The following STAU2 variants were observed in gnomAD, a reference collection of about 807,000 sequenced individuals.
The protein encoded by STAU2 is double-stranded RNA-binding protein Staufen homolog 2.
In STAU2, 20 loss-of-function variants were observed where a neutral mutation model predicts 65.9. That is an observed-to-expected ratio of 0.30 (90% confidence interval 0.21 to 0.44). STAU2 has a LOEUF of 0.44. Ranked by LOEUF, STAU2 falls within the 20% of genes least tolerant of loss-of-function variation. The pLI is 1.00. For synonymous variants in STAU2, 232 were observed against 233.9 expected (o/e 0.99, Z 0.07); for missense variants, 558 against 683.9 (o/e 0.82, Z 2.05).
At chr8:73,470,215 T>C (rs1819912941) in intron 13 of STAU2, among the ~76,000 whole-genome samples, 1 of 152,218 alleles carries the variant, frequency 6.6e-6, no homozygotes, top group Non-Finnish European at 1.5e-5. Flanking sequence ...TCTAGGCAGA[T>C]GTGTCTTCAT....
At chr8:73,507,731 A>C (rs1180104928) in intron 13 of STAU2, among the ~76,000 whole-genome samples, 1 of 152,204 alleles carries the variant, frequency 6.6e-6, no homozygotes, top group Non-Finnish European at 1.5e-5. Context: ...ATCTTCTTCC[A>C]ATAGAAGGCT....
intron 12 of STAU2, among the ~76,000 whole-genome samples, chr8:73,576,132 A>G (rs1269505122): frequency 6.6e-6 from 1 of 152,142 alleles, no homozygotes; most frequent in African/African-American, 2.4e-5. Flanking sequence ...GAACTTACAC[A>G]TATTATATTC....
In STAU2 at chr8:73,595,255, T is replaced by C. The variant is rs1455091860; in HGVS notation, c.1072A>G (p.Lys358Glu). The C allele has an allele frequency of 6.2e-7, 1 of 1,612,214 alleles. No individual in the cohort carries two copies. Among genetic ancestry groups the C allele is most frequent in the African/African-American group, 1.3e-5 (1 of 74,902 alleles). The change falls in exon 11 of 15, where the codon AAA (lysine) becomes GAA (glutamate). Residue 358 changes from lysine (K) to glutamate (E), a missense_variant. Physicochemically the swap from Lys to Glu is moderately conservative, Grantham distance 56 (BLOSUM62 1). Transcript: ENST00000524300. Reference protein sequence around the residue: ...NEVATGTGPNKKIAKKNAAEA... With the variant: ...NEVATGTGPNEKIAKKNAAEA... ...GCAGCATTTTTTTTGGCTATCTTTT[T>C]ATTAGGTCCTGTTCCTGTAGCAACT...
intron 12 of STAU2, chr8:73,561,332 T>C: frequency 3.2e-6 from 1 of 307,948 alleles, no homozygotes. Context: ...AAGGCTCAGC[T>C]TTTCAATAAA....
At chr8:73,506,583 G>C (rs759082750) in intron 13 of STAU2, among the ~76,000 whole-genome samples, 1 of 152,178 alleles carries the variant, frequency 6.6e-6, no homozygotes, top group Non-Finnish European at 1.5e-5. Context: ...TGTAATTGCT[G>C]GTGGAGGGTC....
intron 3 of STAU2, among the ~76,000 whole-genome samples, chr8:73,727,305 A>T (rs532018094): frequency 9.2e-5 from 14 of 152,306 alleles, no homozygotes; most frequent in African/African-American, 3.1e-4. Context: ...TACAACTACC[A>T]CCTATACCTA....
chr8:73,683,616 C>A (rs1017409792), intron 5 of STAU2, among the ~76,000 whole-genome samples: 1 of 151,960 alleles, frequency 6.6e-6, no homozygotes, highest in East Asian at 1.9e-4. Flanking sequence ...CCGGAGCAAT[C>A]GACAAGAGAA....
chr8:73,673,309 A>G, intron 5 of STAU2, 67 bp from the exon 6 acceptor site: 2 of 1,408,110 alleles, frequency 1.4e-6, no homozygotes, highest in East Asian at 4.9e-5. Flanking sequence ...TGCAAGCTAT[A>G]TTTATACAAC....
Position 73,606,969 on chromosome 8 carries a change from C to CA in STAU2, c.892-3107dup, listed in dbSNP as rs564521416. Among the ~76,000 whole-genome samples the CA allele has an allele frequency of 2.7e-3, 401 of 150,436 alleles. 2 individuals carry two copies. The highest frequency in any genetic ancestry group is 0.014 in the Middle Eastern group (4 of 294). On this transcript the variant is annotated intron_variant, in intron 9 of 14. Transcript: ENST00000524300. ...ATTATGCTGGGTTAAAGAAGCCAGC[C>CA]AAAAAAAAGAGTGGTTTCTCGGCAA... is the stretch of plus-strand genomic sequence containing the variant.
In STAU2 at chr8:73,523,196, CAAAAAAAAAAAAA is replaced by C. The variant is rs763732188; in HGVS notation, c.1530+28803_1530+28815del. On this transcript the variant is annotated intron_variant, in intron 13 of 14. Transcript: ENST00000524300. ...GGGTGACAGAGCAAGACTTTGTCTC[CAAAAAAAAAAAAA>C]AAAAAAAAAAGAAAAGTCTGAAGCA... Among the ~76,000 whole-genome samples the C allele has an allele frequency of 1.4e-3, 107 of 78,652 alleles. No homozygotes were observed. The South Asian group carries it at 0.043, about 31-fold the overall frequency. The allele number at this position is 78,652 out of a possible 152,430, so 51.6% of individuals were successfully genotyped here.
At chr8:73,710,653 T>C (rs1346851751) in intron 3 of STAU2, among the ~76,000 whole-genome samples, 1 of 152,050 alleles carries the variant, frequency 6.6e-6, no homozygotes, top group Non-Finnish European at 1.5e-5. Flanking sequence ...ATTTTTCTAA[T>C]ACCACATTAT....
intron 4 of STAU2, among the ~76,000 whole-genome samples, chr8:73,707,580 T>G (rs888507306): frequency 6.6e-5 from 10 of 152,140 alleles, no homozygotes; most frequent in African/African-American, 2.2e-4. Flanking sequence ...CACCCAGATG[T>G]AAATGACAAT....
chr8:73,434,628 G>A (rs971288360), intron 13 of STAU2, among the ~76,000 whole-genome samples: 5 of 151,754 alleles, frequency 3.3e-5, no homozygotes, highest in African/African-American at 9.7e-5. Flanking sequence ...TGACTGCACC[G>A]GATTATCTGA....
rs552425344 is a variant in STAU2 at position 73,671,288 on chromosome 8, G to A, written c.410+1819C>T. Among the ~76,000 whole-genome samples, 9 of 151,742 alleles carry A rather than the reference G, an allele frequency of 5.9e-5. No individual in the cohort carries two copies. The South Asian group carries it at 8.3e-4, about 14-fold the overall frequency. On this transcript the variant is annotated intron_variant, in intron 6 of 14. Transcript: ENST00000524300. ...TCTACTAAAAATACAAAAATTAGCC[G>A]GAAATCGCTTGAACCCAGGAGGCGG...
chr8:73,442,073 G>A (rs1253576713), intron 13 of STAU2, among the ~76,000 whole-genome samples: 2 of 152,100 alleles, frequency 1.3e-5, no homozygotes, highest in East Asian at 3.9e-4. Context: ...ACCCCATTTA[G>A]GCCAGGCGCA....
At chr8:73,665,090 T>C (rs529573326) in intron 6 of STAU2, among the ~76,000 whole-genome samples, 1 of 152,340 alleles carries the variant, frequency 6.6e-6, no homozygotes, top group South Asian at 2.1e-4. Flanking sequence ...TCAAATTTTC[T>C]TCTCTGGTTT....
upstream of STAU2, chr8:73,746,855 G>T: frequency 8.2e-7 from 1 of 1,212,654 alleles, no homozygotes; most frequent in Non-Finnish European, 1.0e-6. Flanking sequence ...CCGCTCGGCC[G>T]CCGCCGGCTT....
Position 73,646,935 on chromosome 8 carries a change from C to CCACACACACACA in STAU2, c.410+26171_410+26172insTGTGTGTGTGTG, listed in dbSNP as rs1365707962. 3.4e-3 allele frequency among the ~76,000 whole-genome samples: 303 copies of CCACACACACACA among 89,352 alleles called. 1 individual carries two copies. The highest frequency in any genetic ancestry group is 0.012 in the African/African-American group (285 of 23,412). 58.6% of individuals were successfully genotyped at this position (89,352 alleles called of 152,430 possible). On this transcript the variant is annotated intron_variant, in intron 6 of 14. Coordinates refer to ENST00000524300, the MANE Select transcript of STAU2 (RefSeq NM_001164380.2). ...GAGATATTTCACCAAAGACACACAG[C>CCACACACACACA]CAGACACACACACACACACACACAC...
chr8:73,483,850 T>C (rs1193002067), intron 13 of STAU2, among the ~76,000 whole-genome samples: 2 of 152,170 alleles, frequency 1.3e-5, no homozygotes, highest in Non-Finnish European at 2.9e-5. Flanking sequence ...AGGCCATGCC[T>C]ACATGCATCT....
Sources: gnomAD v4.1 joint callset for allele counts (sites outside exome capture counted in the v4.1 genomes callset) on GRCh38, gnomAD v4.1.1 for gene constraint, MANE v1.5 for transcripts, NCBI Gene and HGNC (gene_info 2026-07-23, HGNC 2026-07-21) for gene names.